The following GRK5 variants were observed in gnomAD, a reference collection of about 807,000 sequenced individuals.
The protein encoded by GRK5 is g protein-coupled receptor kinase GRK5.
Under a neutral mutation model 78.4 loss-of-function variants are expected in GRK5, and 40 were observed. The observed-to-expected ratio is 0.51, with a 90% CI of 0.40 to 0.66. GRK5 has a LOEUF of 0.66. Among genes scored for constraint, GRK5 ranks in the 30% least tolerant of loss-of-function variants. The probability of loss-of-function intolerance (pLI) is 0.00; values close to 1 mark genes in which losing one functional copy is unlikely to be tolerated. For missense variants in GRK5, 598 were observed against 759.9 expected (o/e 0.79, Z 2.50); for synonymous variants, 289 against 296.8 (o/e 0.97, Z 0.27).
chr10:119,264,270 G>A lies in GRK5; in HGVS notation c.52+56301G>A, dbSNP rs193034177. Among the ~76,000 whole-genome samples the A allele has an allele frequency of 1.9e-3, 297 of 152,314 alleles. No homozygotes were observed. Among genetic ancestry groups the A allele is most frequent in the African/African-American group, 6.5e-3 (270 of 41,568 alleles). On this transcript the variant is annotated intron_variant, in intron 1 of 15. Coordinates refer to ENST00000392870, the MANE Select transcript of GRK5 (RefSeq NM_005308.3). This position sits in a 1 kb window ranked among gnomAD's most constrained non-coding sequence, Gnocchi z 4.1. Reference sequence around the variant, plus strand: ...TCTCTTTCCATTACAGGTGACAGAAGCTCAACTCCAACTAGCTTAAGCAAA... The same window carrying A: ...TCTCTTTCCATTACAGGTGACAGAAACTCAACTCCAACTAGCTTAAGCAAA...
In GRK5 at chr10:119,442,059, G is replaced by A. The variant is rs776745178; in HGVS notation, c.1028G>A (p.Arg343His). ...AVKIPEGDLI[R>H]GRVGTVGYMA... The stretch of plus-strand genomic sequence containing the variant: ...AAGATCCCCGAGGGAGACCTGATCC[G>A]CGGCCGGGTGGGCACTGTTGGCTAC... Residue 343 changes from arginine (R) to histidine (H), a missense_variant, in exon 11 of 16, where the codon CGC becomes CAC. Coordinates refer to ENST00000392870, the MANE Select transcript of GRK5 (RefSeq NM_005308.3). 10 of 1,613,950 alleles carry A rather than the reference G, an allele frequency of 6.2e-6. No homozygotes were observed. Among genetic ancestry groups the A allele is most frequent in the African/African-American group, 2.7e-5 (2 of 75,028 alleles).
intron 1 of GRK5, among the ~76,000 whole-genome samples, chr10:119,313,160 A>G (rs1473412700): frequency 1.5e-4 from 15 of 102,944 alleles, no homozygotes; most frequent in Admixed American, 4.9e-4. Context: ...TGGTGGTGGT[A>G]ATGGTAGTGG....
chr10:119,451,808 C>T (rs996257682), intron 13 of GRK5, among the ~76,000 whole-genome samples: 13 of 152,204 alleles, frequency 8.5e-5, no homozygotes, highest in African/African-American at 2.9e-4. Context: ...CCTGGCATGG[C>T]GGAGCCCATG....
At chr10:119,363,318 C>T (rs550439836) in intron 2 of GRK5, among the ~76,000 whole-genome samples, 2 of 151,530 alleles carry the variant, frequency 1.3e-5, no homozygotes, top group East Asian at 1.9e-4. Context: ...TTTCTGAGGA[C>T]GAACCTTGCA....
chr10:119,268,522 G>C (rs549250330), intron 1 of GRK5, among the ~76,000 whole-genome samples: 3 of 152,314 alleles, frequency 2.0e-5, no homozygotes, highest in African/African-American at 7.2e-5. Context: ...TGCTGGGCTG[G>C]CTGGATTTGA....
chr10:119,249,574 T>C (rs1305549211), intron 1 of GRK5, among the ~76,000 whole-genome samples: 1 of 152,184 alleles, frequency 6.6e-6, no homozygotes, highest in African/African-American at 2.4e-5. Context: ...CTCGGCTCAC[T>C]GCAATCTCCA....
At chr10:119,394,328 C>CTA (rs1851970970) in intron 3 of GRK5, among the ~76,000 whole-genome samples, 1 of 8,374 alleles carries the variant, frequency 1.2e-4, no homozygotes, top group Non-Finnish European at 2.3e-4. Flanking sequence ...GTGTGTGTAT[C>CTA]TGTGTGTCTG....
At chr10:119,425,286 C>CACACACACACACACACACAA (rs762057945) in intron 6 of GRK5, among the ~76,000 whole-genome samples, 7 of 135,310 alleles carry the variant, frequency 5.2e-5, no homozygotes, top group Middle Eastern at 3.8e-3. Flanking sequence ...CACACACACA[C>CACACACACACACACACACAA]ACACACACAC....
At chr10:119,298,116 T>TAA (rs1366809580) in intron 1 of GRK5, among the ~76,000 whole-genome samples, 3 of 152,214 alleles carry the variant, frequency 2.0e-5, no homozygotes, top group African/African-American at 7.2e-5. Flanking sequence ...ATTGAGCACT[T>TAA]ACTGCATGCA....
chr10:119,274,800 G>A (rs1183039199), intron 1 of GRK5, among the ~76,000 whole-genome samples: 1 of 152,202 alleles, frequency 6.6e-6, no homozygotes, highest in African/African-American at 2.4e-5. Context: ...CACTGATCGG[G>A]AAGTCAGCAC....
intron 3 of GRK5, among the ~76,000 whole-genome samples, chr10:119,393,718 G>T (rs899950727): frequency 6.6e-6 from 1 of 152,204 alleles, no homozygotes; most frequent in Admixed American, 6.5e-5. Context: ...CTGCTGCCCC[G>T]TCGCTTGCTA....
chr10:119,394,865 T>C (rs1467196746), intron 3 of GRK5, among the ~76,000 whole-genome samples: 1 of 149,424 alleles, frequency 6.7e-6, no homozygotes, highest in Non-Finnish European at 1.5e-5. Context: ...ACATGTGCAC[T>C]CAGGTTTAGG....
chr10:119,457,108 T>C lies in GRK5; in HGVS notation c.*2041T>C, dbSNP rs1853411674. ...GTCTTCCAAGGAAGTAGAAAACTCT[T>C]TGAATGGTATCTTAAGATCCTTAAG... On this transcript the variant is annotated 3_prime_UTR_variant, in exon 16 of 16. Transcript: ENST00000392870. 6.6e-6 allele frequency: 1 copy of C among 152,210 alleles called. No individual in the cohort carries two copies. The highest frequency in any genetic ancestry group is 1.5e-5 in the Non-Finnish European group (1 of 68,040). 9.4% of individuals were successfully genotyped at this position (152,210 alleles called of 1,614,324 possible).
intron 8 of GRK5, among the ~76,000 whole-genome samples, chr10:119,435,253 T>C (rs1484607526): frequency 2.0e-5 from 3 of 152,250 alleles, no homozygotes; most frequent in African/African-American, 4.8e-5. Flanking sequence ...TTCAGCTCCT[T>C]GTTACTTATG....
At chr10:119,425,496 A>G (rs958156685) in intron 6 of GRK5, among the ~76,000 whole-genome samples, 1 of 152,190 alleles carries the variant, frequency 6.6e-6, no homozygotes, top group African/African-American at 2.4e-5. Flanking sequence ...ATAGCTTTGT[A>G]CATAAATCTT....
At chr10:119,272,874 G>C (rs1420776869) in intron 1 of GRK5, among the ~76,000 whole-genome samples, 1 of 152,152 alleles carries the variant, frequency 6.6e-6, no homozygotes, top group East Asian at 1.9e-4. Flanking sequence ...TGGAGGGACA[G>C]GGAGGCCAGC....
chr10:119,290,367 A>AAAAAAAAAAAC (rs1554903196), intron 1 of GRK5, among the ~76,000 whole-genome samples: 11 of 137,488 alleles, frequency 8.0e-5, no homozygotes, highest in Non-Finnish European at 1.3e-4. Context: ...AAAAAAACAA[A>AAAAAAAAAAAC]AAACAACTCT....
chr10:119,341,821 A>G (rs1430512701), intron 2 of GRK5, among the ~76,000 whole-genome samples: 4 of 152,024 alleles, frequency 2.6e-5, no homozygotes, highest in Non-Finnish European at 5.9e-5. Context: ...GATGGGTCTT[A>G]TTTTTCTCTC....
intron 9 of GRK5, among the ~76,000 whole-genome samples, chr10:119,439,030 G>T (rs1244800386): frequency 6.6e-6 from 1 of 152,214 alleles, no homozygotes; most frequent in Admixed American, 6.5e-5. Context: ...TAACTGAGTT[G>T]CACACACTCT....
Sources: allele counts gnomAD v4.1 joint callset (sites outside exome capture counted in the v4.1 genomes callset), GRCh38; gene constraint gnomAD v4.1.1; non-coding constraint Gnocchi (gnomAD v3.1); transcripts MANE v1.5; gene names NCBI Gene and HGNC (gene_info 2026-07-23, HGNC 2026-07-21).